SOX6: variants seen among roughly 807,000 people sequenced by gnomAD.
The protein encoded by SOX6 is transcription factor SOX-6.
In SOX6, 11 loss-of-function variants were observed where a neutral mutation model predicts 97.8. That is an observed-to-expected ratio of 0.11 (90% CI 0.07 to 0.19). The LOEUF is 0.19. Among genes scored for constraint, SOX6 ranks in the 10% least tolerant of loss-of-function variants. The pLI, the probability that SOX6 is intolerant of heterozygous loss-of-function variation, is 1.00. For synonymous variants in SOX6, 360 were observed against 371.4 expected, an observed-to-expected ratio of 0.97 and a Z score of 0.35; for missense variants, 810 against 1,039.5, an observed-to-expected ratio of 0.78 and a Z score of 3.04.
chr11:16,080,044 T>C (rs546674204), intron 9 of SOX6, among the ~76,000 whole-genome samples: 2 of 148,486 alleles, frequency 1.3e-5, no homozygotes, highest in African/African-American at 2.6e-5. Context: ...ACAGTTAATA[T>C]AAAAGACTGA....
intron 4 of SOX6, among the ~76,000 whole-genome samples, chr11:16,228,856 C>A (rs1852761805): frequency 6.6e-6 from 1 of 152,146 alleles, no homozygotes; most frequent in Non-Finnish European, 1.5e-5. Context: ...CAGTGTTTCT[C>A]AGATTTTAGC....
At chr11:16,514,131 G>A (rs958480089) in intron 4 of SOX6, among the ~76,000 whole-genome samples, 4 of 149,278 alleles carry the variant, frequency 2.7e-5, no homozygotes, top group Non-Finnish European at 4.4e-5. Flanking sequence ...TGAGAGAATC[G>A]CTTCAGCCCA....
chr11:16,430,247 T>A (rs1859248092), intron 1 of SOX6, among the ~76,000 whole-genome samples: 2 of 152,200 alleles, frequency 1.3e-5, no homozygotes, highest in African/African-American at 4.8e-5. Context: ...TTTCAATCCC[T>A]ACTTCCTCAG....
chr11:15,994,172 G>A (rs533295284), intron 13 of SOX6, among the ~76,000 whole-genome samples: 9 of 152,120 alleles, frequency 5.9e-5, no homozygotes, highest in African/African-American at 1.7e-4. Context: ...TGCTAACAGC[G>A]GTAATTTAAA....
chr11:16,422,229 T>A (rs936548367), intron 1 of SOX6, among the ~76,000 whole-genome samples: 13 of 152,200 alleles, frequency 8.5e-5, no homozygotes, highest in African/African-American at 3.1e-4. Context: ...AAAAAAGACA[T>A]CCACTTTTAT....
chr11:16,680,113 C>A (rs1847914782), intron 3 of SOX6, among the ~76,000 whole-genome samples: 1 of 152,072 alleles, frequency 6.6e-6, no homozygotes, highest in East Asian at 1.9e-4. Flanking sequence ...CAGAGAACAC[C>A]ACAAAGATAC....
intron 4 of SOX6, among the ~76,000 whole-genome samples, chr11:16,527,982 C>T (rs540217881): frequency 4.1e-4 from 62 of 152,170 alleles, no homozygotes; most frequent in Middle Eastern, 3.4e-3. Context: ...ATATTCATTT[C>T]TCAGGTTGTA....
At chr11:16,363,828 A>T (rs535467742) in intron 1 of SOX6, among the ~76,000 whole-genome samples, 87 of 152,106 alleles carry the variant, frequency 5.7e-4, no homozygotes, top group Non-Finnish European at 8.4e-4. Context: ...GTTAGAAGTT[A>T]TCTGGCTCTA....
chr11:16,681,975 C>A (rs1847932009), intron 3 of SOX6, among the ~76,000 whole-genome samples: 1 of 152,062 alleles, frequency 6.6e-6, no homozygotes, highest in East Asian at 1.9e-4. Flanking sequence ...AATTAATAGC[C>A]TAACAACCAA....
intron 3 of SOX6, among the ~76,000 whole-genome samples, chr11:16,249,860 T>C (rs1478417163): frequency 1.3e-5 from 2 of 152,168 alleles, no homozygotes; most frequent in Non-Finnish European, 2.9e-5. Context: ...ATTGTTTATA[T>C]TACGAGGTTA....
chr11:16,514,708 C>G (rs1417476416), intron 4 of SOX6, among the ~76,000 whole-genome samples: 1 of 124,356 alleles, frequency 8.0e-6, no homozygotes, highest in African/African-American at 3.0e-5. Context: ...CCCCCCACCC[C>G]ACAACAGTCC....
At position 16,012,234 on chromosome 11, in the gene SOX6, G is replaced by A. The variant is rs563191226; in HGVS notation, c.1732+2708C>T. The stretch of plus-strand genomic sequence containing the variant: ...AGTAGAGAAAGTATCATATGTACCT[G>A]TTATCTACTCTGACTTTAATATGAA... On this transcript the variant is annotated intron_variant, in intron 13 of 15. Transcript: ENST00000683767. 9.9e-5 allele frequency among the ~76,000 whole-genome samples: 15 copies of A among 152,140 alleles called. No homozygotes were observed. The East Asian group carries it at 2.9e-3, about 29-fold the overall frequency.
At chr11:16,198,236 T>C (rs1851842325) in intron 4 of SOX6, among the ~76,000 whole-genome samples, 1 of 148,162 alleles carries the variant, frequency 6.7e-6, no homozygotes, top group Admixed American at 6.7e-5. Flanking sequence ...TTTTCTTTTT[T>C]TTTTTTTTTT....
At chr11:16,270,549 G>T (rs1340600755) in intron 3 of SOX6, among the ~76,000 whole-genome samples, 1 of 151,082 alleles carries the variant, frequency 6.6e-6, no homozygotes, top group Non-Finnish European at 1.5e-5. Context: ...ATATGCCAAT[G>T]TTGTGCATTG....
chr11:16,502,977 A>G (rs567470780), intron 4 of SOX6, among the ~76,000 whole-genome samples: 1 of 152,188 alleles, frequency 6.6e-6, no homozygotes, highest in Admixed American at 6.5e-5. Context: ...GTGCCCAGTA[A>G]CTTAGAAAAG....
chr11:16,651,050 T>C (rs1421126453), intron 3 of SOX6, among the ~76,000 whole-genome samples: 1 of 151,968 alleles, frequency 6.6e-6, no homozygotes, highest in Non-Finnish European at 1.5e-5. Context: ...CCTGGAAATA[T>C]ACAACCCTCC....
chr11:16,673,681 A>G (rs1279717937), intron 3 of SOX6, among the ~76,000 whole-genome samples: 1 of 152,178 alleles, frequency 6.6e-6, no homozygotes, highest in Admixed American at 6.5e-5. Context: ...TAAAGAACTA[A>G]TATCAATCCT....
intron 4 of SOX6, among the ~76,000 whole-genome samples, chr11:16,218,797 C>T (rs1484597490): frequency 6.6e-6 from 1 of 152,160 alleles, no homozygotes; most frequent in East Asian, 1.9e-4. Context: ...GTCGACCGAA[C>T]AAAATGGATG....
chr11:16,302,874 A>G (rs1855306898), intron 3 of SOX6, among the ~76,000 whole-genome samples: 1 of 152,064 alleles, frequency 6.6e-6, no homozygotes, highest in South Asian at 2.1e-4. Flanking sequence ...CCGGCCAGCC[A>G]CAGTACCCAG....
Sources: gnomAD v4.1 joint callset for allele counts (sites outside exome capture counted in the v4.1 genomes callset) on GRCh38, gnomAD v4.1.1 for gene constraint, MANE v1.5 for transcripts, NCBI Gene and HGNC (gene_info 2026-07-23, HGNC 2026-07-21) for gene names.